The following JADE1 variants were observed in gnomAD, a reference collection of about 807,000 sequenced individuals.
JADE1 encodes the protein protein Jade-1.
Under a neutral mutation model 81.8 loss-of-function variants are expected in JADE1, and 14 were observed. That is an observed-to-expected ratio of 0.17 (90% confidence interval 0.11 to 0.27). The LOEUF is 0.27. Ranked by LOEUF, JADE1 falls within the 10% of genes least tolerant of loss-of-function variation. The pLI, the probability that JADE1 is intolerant of heterozygous loss-of-function variation, is 1.00. For missense variants in JADE1, 690 were observed against 1,047.9 expected (o/e 0.66, Z 4.71); for synonymous variants, 353 against 391.9 (o/e 0.90, Z 1.17).
At chr4:128,864,520 G>T in intron 9 of JADE1, 1 of 985,340 alleles carries the variant, frequency 1.0e-6, no homozygotes, top group Non-Finnish European at 1.2e-6. Context: ...GATGGTGAAG[G>T]CATTAAACAA....
At chr4:128,867,122 G>A (rs1731839106) in intron 9 of JADE1, among the ~76,000 whole-genome samples, 1 of 152,202 alleles carries the variant, frequency 6.6e-6, no homozygotes, top group African/African-American at 2.4e-5. Context: ...CGAATCGGGA[G>A]AGGGCAATAC....
Position 128,871,895 on chromosome 4 carries a change from G to A in JADE1, c.2162G>A (p.Cys721Tyr), listed in dbSNP as rs1355746665. Residue 721 changes from cysteine to tyrosine, a missense_variant, in exon 11 of 11, where the codon TGC (cysteine) becomes TAC (tyrosine). Cys to Tyr is a radical substitution (Grantham distance 194). Coordinates refer to ENST00000226319, the MANE Select transcript of JADE1 (RefSeq NM_199320.4). The surrounding 1 kb of genome is among the most constrained non-coding windows in gnomAD (Gnocchi z 4.1). ...PGTRKEIVPKCNGSLIKVNYN... is the reference protein window; with the variant it reads ...PGTRKEIVPKYNGSLIKVNYN... ...ACAAGGAAGGAGATAGTGCCCAAGT[G>A]CAATGGCTCCCTAATCAAAGTAAAC... 1 of 1,614,076 alleles carries A rather than the reference G, an allele frequency of 6.2e-7. No individual in the cohort carries two copies. Among genetic ancestry groups the A allele is most frequent in the Non-Finnish European group, 8.5e-7 (1 of 1,179,996 alleles).
chr4:128,861,574 C>T lies in JADE1; in HGVS notation c.982-130C>T, dbSNP rs934346031. On this transcript the variant is annotated intron_variant, in intron 8 of 10. Coordinates refer to ENST00000226319, the MANE Select transcript of JADE1 (RefSeq NM_199320.4). ...CAGGGTTAATCCACGTACAACTTTC[C>T]TGTCATGGCACATGCTTGAAGCATG... 16 of 1,064,762 alleles carry T rather than the reference C, an allele frequency of 1.5e-5. No homozygotes were observed. In the Admixed American group the frequency reaches 3.8e-4, roughly 25 times the overall value. 66.0% of individuals were successfully genotyped at this position (1,064,762 alleles called of 1,614,324 possible).
intron 5 of JADE1, among the ~76,000 whole-genome samples, chr4:128,850,750 C>T (rs1189347031): frequency 6.6e-6 from 1 of 152,154 alleles, no homozygotes; most frequent in Non-Finnish European, 1.5e-5. Flanking sequence ...TCTAGGTGTC[C>T]TGTGTTAAGT....
At chr4:128,858,095 G>C (rs189679581) in intron 8 of JADE1, among the ~76,000 whole-genome samples, 59 of 151,936 alleles carry the variant, frequency 3.9e-4, no homozygotes, top group Non-Finnish European at 6.9e-4. Flanking sequence ...ATGCACGTGT[G>C]TGTGTGTGTG....
chr4:128,831,573 T>G, intron 1 of JADE1, 160 bp from the exon 2 acceptor site: 1 of 614,666 alleles, frequency 1.6e-6, no homozygotes, highest in Non-Finnish European at 2.9e-6. Flanking sequence ...TGATTGCACC[T>G]AATTATGTAT....
intron 3 of JADE1, among the ~76,000 whole-genome samples, chr4:128,845,458 G>C (rs1489349103): frequency 6.6e-6 from 1 of 152,186 alleles, no homozygotes; most frequent in Non-Finnish European, 1.5e-5. Flanking sequence ...CCAGGTGAAG[G>C]TGTGCAAACA....
At position 128,861,994 on chromosome 4, in the gene JADE1, G is replaced by C. The variant is rs1050967374; in HGVS notation, c.1272G>C (p.Glu424Asp). ...GTAAGCAGAAGCTGCAGCAGTTGGA[G>C]GATGAGTTCTACACCTTCGTCAACC... ...SVRKQKLQQLEDEFYTFVNLL... is the reference protein window; with the variant it reads ...SVRKQKLQQLDDEFYTFVNLL... Residue 424 changes from glutamate to aspartate, a missense_variant, in exon 9 of 11, where the codon GAG (glutamate) becomes GAC (aspartate). This residue lies in a region of JADE1 where 63 missense variants were observed against 138.4 expected (regional missense o/e 0.46). Transcript: ENST00000226319. The C allele has an allele frequency of 2.5e-6, 4 of 1,613,736 alleles. No homozygotes were observed. In the African/African-American group the frequency reaches 4.0e-5, roughly 16 times the overall value.
intron 1 of JADE1, among the ~76,000 whole-genome samples, chr4:128,823,387 T>C (rs1727754181): frequency 6.6e-6 from 1 of 152,214 alleles, no homozygotes; most frequent in South Asian, 2.1e-4. Context: ...AGTTCAAAAA[T>C]AACTTATAAA....
Position 128,846,468 on chromosome 4 carries a change from C to A in JADE1, c.232C>A (p.Gln78Lys). 1 of 1,614,186 alleles carries A rather than the reference C, an allele frequency of 6.2e-7. No homozygotes were observed. Among genetic ancestry groups the A allele is most frequent in the Non-Finnish European group, 8.5e-7 (1 of 1,180,030 alleles). Residue 78 changes from glutamine (Q) to lysine (K), a missense_variant, in exon 4 of 11, where the codon CAG becomes AAG. Physicochemically the swap from Gln to Lys is moderately conservative, Grantham distance 53. This residue lies in a region of JADE1 where 98 missense variants were observed against 161.3 expected (regional missense o/e 0.61). Transcript: ENST00000226319. The surrounding 1 kb of genome is among the most constrained non-coding windows in gnomAD (Gnocchi z 4.0). ...EYYVLADPWR[Q>K]EWEKGVQVPV... The stretch of plus-strand genomic sequence containing the variant: ...CTATGTGTTGGCAGATCCCTGGAGA[C>A]AGGAATGGGAGAAAGGGGTCCAGGT...
At position 128,814,049 on chromosome 4, in the gene JADE1, A is replaced by C. The variant is rs145865559; in HGVS notation, c.-27+4172A>C. Among the ~76,000 whole-genome samples the C allele has an allele frequency of 8.0e-4, 121 of 151,742 alleles. 1 individual carries two copies. The East Asian group carries it at 0.022, about 28-fold the overall frequency. On this transcript the variant is annotated intron_variant, in intron 1 of 10. Coordinates refer to ENST00000226319, the MANE Select transcript of JADE1 (RefSeq NM_199320.4). ...AGATATGTGTTCATTTAAAAGAAAAAAAAAAAACCCACCTTCTTAGTTCTC... is the reference window on the plus strand; with the variant it reads ...AGATATGTGTTCATTTAAAAGAAAACAAAAAAACCCACCTTCTTAGTTCTC...
At chr4:128,864,824 C>A in intron 9 of JADE1, 1 of 160,186 alleles carries the variant, frequency 6.2e-6, no homozygotes, top group Non-Finnish European at 1.3e-5. Flanking sequence ...TTCAGACACA[C>A]ACCTCGGGGC....
At chr4:128,835,585 C>A (rs17013768) in intron 2 of JADE1, among the ~76,000 whole-genome samples, 22 of 152,174 alleles carry the variant, frequency 1.4e-4, no homozygotes, top group Non-Finnish European at 2.8e-4. Flanking sequence ...CTCTGCCTTC[C>A]TTCAGCCGGG....
intron 2 of JADE1, among the ~76,000 whole-genome samples, chr4:128,835,329 GC>G (rs1391537615): frequency 1.3e-5 from 2 of 152,164 alleles, no homozygotes; most frequent in African/African-American, 4.8e-5. Flanking sequence ...AGTGGTAAAC[GC>G]AGAGTTCTCA....
chr4:128,827,014 C>A (rs983998533), intron 1 of JADE1, among the ~76,000 whole-genome samples: 1 of 152,156 alleles, frequency 6.6e-6, no homozygotes, highest in Admixed American at 6.5e-5. Flanking sequence ...GGCCTGTCTT[C>A]AAGAATAATC....
intron 2 of JADE1, among the ~76,000 whole-genome samples, chr4:128,837,869 T>A (rs541049250): frequency 1.3e-5 from 2 of 152,348 alleles, no homozygotes; most frequent in East Asian, 3.9e-4. Flanking sequence ...TCTTTCATAG[T>A]TTGCATTTTG....
At chr4:128,813,407 C>CTTTTTTTTTTT (rs72296886) in intron 1 of JADE1, among the ~76,000 whole-genome samples, 35 of 115,548 alleles carry the variant, frequency 3.0e-4, no homozygotes, top group Non-Finnish European at 4.6e-4. Flanking sequence ...CTTACGGTCA[C>CTTTTTTTTTTT]TTTTTTTTTT....
At chr4:128,860,258 GAGGTTATT>G (rs1731208671) in intron 8 of JADE1, among the ~76,000 whole-genome samples, 1 of 152,100 alleles carries the variant, frequency 6.6e-6, no homozygotes, top group South Asian at 2.1e-4. Flanking sequence ...TCTTAGAATT[GAGGTTATT>G]TATAGAGAAA....
At chr4:128,842,886 A>C (rs1170561851) in intron 2 of JADE1, 67 bp from the exon 3 acceptor site, 1 of 1,415,180 alleles carries the variant, frequency 7.1e-7, no homozygotes, top group Non-Finnish European at 1.0e-6. Flanking sequence ...GGGTAAGAAA[A>C]CCCCTGAGAA....
Sources: allele counts gnomAD v4.1 joint callset (sites outside exome capture counted in the v4.1 genomes callset), GRCh38; gene constraint gnomAD v4.1.1; regional missense constraint gnomAD v4.1.1; non-coding constraint Gnocchi (gnomAD v3.1); transcripts MANE v1.5; gene names NCBI Gene and HGNC (gene_info 2026-07-23, HGNC 2026-07-21).